NALF1: variants seen among roughly 807,000 people sequenced by gnomAD.
NALF1 encodes family with sequence similarity 155 member A.
NALF1 carries 3 observed loss-of-function variants against 48.4 expected under a neutral mutation model. That is an observed-to-expected ratio of 0.06 (90% CI 0.03 to 0.16). The LOEUF (loss-of-function observed/expected upper bound fraction) is 0.16. Among genes scored for constraint, NALF1 ranks in the 10% least tolerant of loss-of-function variants. The probability of loss-of-function intolerance (pLI) is 1.00; values close to 1 mark genes in which losing one functional copy is unlikely to be tolerated. For missense variants in NALF1, 526 were observed against 571.5 expected (o/e 0.92, Z 0.81); for synonymous variants, 262 against 245.7 (o/e 1.07, Z -0.62).
At chr13:107,533,939 A>T (rs1228802070) in intron 1 of NALF1, among the ~76,000 whole-genome samples, 2 of 152,122 alleles carry the variant, frequency 1.3e-5, no homozygotes, top group Non-Finnish European at 2.9e-5. Context: ...GGGGAGAGAC[A>T]AAAAGATCTA....
intron 1 of NALF1, among the ~76,000 whole-genome samples, chr13:107,458,637 G>C (rs775551244): frequency 3.6e-4 from 55 of 152,210 alleles, no homozygotes; most frequent in Non-Finnish European, 7.5e-4. Context: ...CAAACCCCTG[G>C]ACTTCACCAC....
At chr13:107,665,129 C>T (rs1880825149) in intron 1 of NALF1, among the ~76,000 whole-genome samples, 1 of 152,030 alleles carries the variant, frequency 6.6e-6, no homozygotes. Context: ...AATTTTCTTA[C>T]TGTAGAAGAA....
chr13:107,716,279 G>A (rs932939945), intron 1 of NALF1, among the ~76,000 whole-genome samples: 1 of 152,172 alleles, frequency 6.6e-6, no homozygotes, highest in African/African-American at 2.4e-5. Context: ...TCAACCACTC[G>A]AGAGCAGTGC....
At chr13:107,496,808 G>A (rs1422934457) in intron 1 of NALF1, among the ~76,000 whole-genome samples, 3 of 152,278 alleles carry the variant, frequency 2.0e-5, no homozygotes, top group East Asian at 3.9e-4. Flanking sequence ...AAAAGAAAGA[G>A]CTTGTGCAGG....
chr13:107,218,140 G>T (rs902588624), intron 1 of NALF1, among the ~76,000 whole-genome samples: 1 of 152,098 alleles, frequency 6.6e-6, no homozygotes, highest in Admixed American at 6.5e-5. Flanking sequence ...CGGTGGCTCT[G>T]CACCAGGCTC....
intron 1 of NALF1, among the ~76,000 whole-genome samples, chr13:107,586,635 AT>A (rs61429641): frequency 4.3e-5 from 4 of 93,110 alleles, no homozygotes; most frequent in African/African-American, 1.8e-4. Flanking sequence ...CCCTATGGAG[AT>A]TTTTTTTTTT....
At chr13:107,788,823 C>T (rs1878149627) in intron 1 of NALF1, 1 of 151,888 alleles carries the variant, frequency 6.6e-6, no homozygotes, top group South Asian at 2.1e-4. Context: ...AGAAGGCTTG[C>T]CCAATTGCTG....
intron 1 of NALF1, among the ~76,000 whole-genome samples, chr13:107,214,270 T>A (rs956138704): frequency 2.0e-5 from 3 of 152,122 alleles, no homozygotes; most frequent in African/African-American, 7.2e-5. Flanking sequence ...ATTGACTAAA[T>A]CTTAAAAGTA....
intron 1 of NALF1, among the ~76,000 whole-genome samples, chr13:107,652,867 C>T (rs1880481954): frequency 6.6e-6 from 1 of 152,192 alleles, no homozygotes; most frequent in East Asian, 1.9e-4. Flanking sequence ...TATCTCTTTT[C>T]ACAATATGGA....
chr13:107,673,872 G>A lies in NALF1; in HGVS notation c.915+191810C>T, dbSNP rs138902265. ...AAATGAGGTGAGGGTCACAGAAGAC[G>A]TCATTCAGTTGTACTTGTTGGATCT... On this transcript the variant is annotated intron_variant, in intron 1 of 2. Coordinates refer to ENST00000375915, the MANE Select transcript of NALF1 (RefSeq NM_001080396.3). Among the ~76,000 whole-genome samples the A allele has an allele frequency of 4.3e-3, 658 of 152,180 alleles. 3 individuals carry two copies. The highest frequency in any genetic ancestry group is 0.024 in the Middle Eastern group (7 of 294).
At chr13:107,512,486 G>T (rs1875925269) in intron 1 of NALF1, among the ~76,000 whole-genome samples, 1 of 152,156 alleles carries the variant, frequency 6.6e-6, no homozygotes, top group Admixed American at 6.5e-5. Context: ...CCCAGCTTGG[G>T]ACTCGGCTCA....
intron 1 of NALF1, among the ~76,000 whole-genome samples, chr13:107,824,500 C>T (rs920251892): frequency 6.6e-6 from 1 of 152,078 alleles, no homozygotes; most frequent in African/African-American, 2.4e-5. Context: ...AATACAAAGC[C>T]TGGGGAAATG....
rs539699199 is a variant in NALF1 at position 107,835,837 on chromosome 13, G to C, written c.915+29845C>G. ...AGAAACCCTCTGGAACATGCACTCT[G>C]TGGTTACCATCTTATAGATGAGGAT... is the stretch of plus-strand genomic sequence containing the variant. On this transcript the variant is annotated intron_variant, in intron 1 of 2. Coordinates refer to ENST00000375915, the MANE Select transcript of NALF1 (RefSeq NM_001080396.3). Among the ~76,000 whole-genome samples the C allele has an allele frequency of 7.2e-5, 11 of 152,242 alleles. No homozygotes were observed. The East Asian group carries it at 1.2e-3, about 16-fold the overall frequency.
intron 2 of NALF1, among the ~76,000 whole-genome samples, chr13:107,181,233 G>T (rs183322765): frequency 6.6e-6 from 1 of 151,176 alleles, no homozygotes; most frequent in African/African-American, 2.4e-5. Flanking sequence ...TTCATCTTTC[G>T]TTTAATTTTC....
chr13:107,597,480 A>T (rs1878788031), intron 1 of NALF1, among the ~76,000 whole-genome samples: 1 of 152,152 alleles, frequency 6.6e-6, no homozygotes, highest in Non-Finnish European at 1.5e-5. Context: ...CAATGCATGA[A>T]TTTTTGTGTG....
intron 1 of NALF1, among the ~76,000 whole-genome samples, chr13:107,827,510 C>T (rs1879556106): frequency 6.6e-6 from 1 of 152,190 alleles, no homozygotes; most frequent in Admixed American, 6.5e-5. Flanking sequence ...GTGCTTCCCA[C>T]AAACATCCCA....
chr13:107,595,291 C>T (rs1450555183), intron 1 of NALF1, among the ~76,000 whole-genome samples: 2 of 152,068 alleles, frequency 1.3e-5, no homozygotes, highest in Non-Finnish European at 2.9e-5. Flanking sequence ...GAACATTATT[C>T]TAATCATAAG....
rs142557370 is a variant in NALF1, at chr13:107,825,027, T to C, written c.915+40655A>G. 6.8e-3 allele frequency among the ~76,000 whole-genome samples: 1,030 copies of C among 152,316 alleles called. 5 individuals carry two copies. The highest frequency in any genetic ancestry group is 0.037 in the Middle Eastern group (11 of 294). Reference sequence around the variant, plus strand: ...TGTTGTTGTTTAGTTACTTGTTAGTTTATATTCCAATAGTATTTTGGATAT... The same window carrying C: ...TGTTGTTGTTTAGTTACTTGTTAGTCTATATTCCAATAGTATTTTGGATAT... On this transcript the variant is annotated intron_variant, in intron 1 of 2. Transcript: ENST00000375915.
At chr13:107,753,770 T>C (rs1366947473) in intron 1 of NALF1, among the ~76,000 whole-genome samples, 1 of 152,156 alleles carries the variant, frequency 6.6e-6, no homozygotes, top group East Asian at 1.9e-4. Flanking sequence ...CAGAATGCAA[T>C]ACTGGGCCAA....
Sources: allele counts gnomAD v4.1 joint callset (sites outside exome capture counted in the v4.1 genomes callset), GRCh38; gene constraint gnomAD v4.1.1; transcripts MANE v1.5; gene names NCBI Gene and HGNC (gene_info 2026-07-23, HGNC 2026-07-21).